STXBP6: variants seen among roughly 807,000 people sequenced by gnomAD.
STXBP6 encodes syntaxin binding protein 6.
In STXBP6, 21 loss-of-function variants were observed where a neutral mutation model predicts 26.9. The ratio of observed to expected loss-of-function variants is 0.78; its 90% CI spans 0.55 to 1.12. The LOEUF (loss-of-function observed/expected upper bound fraction) is 1.12. STXBP6 is among the 50% of genes most tolerant of loss of function. The probability of loss-of-function intolerance (pLI) is 0.00; values close to 1 mark genes in which losing one functional copy is unlikely to be tolerated. For missense variants in STXBP6, 232 were observed against 257.9 expected, an observed-to-expected ratio of 0.90 and a Z score of 0.69; for synonymous variants, 97 against 92.6, an observed-to-expected ratio of 1.05 and a Z score of -0.27.
At chr14:24,828,776 G>T (rs1449087003) in intron 4 of STXBP6, among the ~76,000 whole-genome samples, 2 of 152,154 alleles carry the variant, frequency 1.3e-5, no homozygotes, top group African/African-American at 4.8e-5. Flanking sequence ...TAGACAACGT[G>T]ACAAATTATA....
At chr14:24,894,170 A>C (rs2070891350) in intron 2 of STXBP6, among the ~76,000 whole-genome samples, 1 of 152,228 alleles carries the variant, frequency 6.6e-6, no homozygotes, top group Non-Finnish European at 1.5e-5. Context: ...GGATTGCCTG[A>C]ATGGAAATGG....
At chr14:24,827,029 C>T (rs1439472678) in intron 4 of STXBP6, among the ~76,000 whole-genome samples, 6 of 152,054 alleles carry the variant, frequency 3.9e-5, no homozygotes, top group Non-Finnish European at 5.9e-5. Flanking sequence ...GGAGAAACCC[C>T]ATCTCTATAA....
chr14:24,858,352 GTGAGAACCCTACTT>G (rs1438136776), intron 2 of STXBP6, among the ~76,000 whole-genome samples: 1 of 152,098 alleles, frequency 6.6e-6, no homozygotes, highest in Non-Finnish European at 1.5e-5. Context: ...CTTAGATCTA[GTGAGAACCCTACTT>G]TCCCAGCACT....
At chr14:25,036,913 A>G (rs2140490325) in intron 1 of STXBP6, among the ~76,000 whole-genome samples, 1 of 151,740 alleles carries the variant, frequency 6.6e-6, no homozygotes, top group East Asian at 1.9e-4. Flanking sequence ...GTCAGATTTT[A>G]TGTAAGTATC....
chr14:24,877,561 G>A lies in STXBP6; in HGVS notation c.155-20404C>T, dbSNP rs140094467. 1.9e-3 allele frequency among the ~76,000 whole-genome samples: 289 copies of A among 150,906 alleles called. 1 individual carries two copies. The Middle Eastern group carries it at 0.024, about 12-fold the overall frequency. On this transcript the variant is annotated intron_variant, in intron 2 of 5. Coordinates refer to ENST00000323944, the MANE Select transcript of STXBP6 (RefSeq NM_001394410.1). ...CCTCTTTTCCTTATTATTTTATCTC[G>A]GAACTCCTCAAGATTCGTGGAAAAA...
intron 1 of STXBP6, among the ~76,000 whole-genome samples, chr14:24,977,982 CAA>C (rs1042175755): frequency 5.3e-5 from 8 of 152,156 alleles, no homozygotes; most frequent in Non-Finnish European, 1.2e-4. Flanking sequence ...GTGAAATTAT[CAA>C]AAGTTTTTAT....
At chr14:25,043,594 G>A (rs2075676740) in intron 1 of STXBP6, among the ~76,000 whole-genome samples, 4 of 152,042 alleles carry the variant, frequency 2.6e-5, no homozygotes, top group Admixed American at 2.6e-4. Flanking sequence ...CCCATCAACA[G>A]TCTCTCCCCA....
chr14:24,973,956 T>C lies in STXBP6; in HGVS notation c.154+709A>G, dbSNP rs77398924. Among the ~76,000 whole-genome samples, 79 of 152,272 alleles carry C rather than the reference T, an allele frequency of 5.2e-4. 1 individual carries two copies. In the East Asian group the frequency reaches 0.014, roughly 26 times the overall value. ...TTCCATCACTCCATACAAGAAATAT[T>C]ATCAGAAATATCACAAATGCTCCAT... On this transcript the variant is annotated intron_variant, in intron 2 of 5. Transcript: ENST00000323944.
chr14:24,962,898 A>C (rs2073596919), intron 2 of STXBP6, among the ~76,000 whole-genome samples: 1 of 150,508 alleles, frequency 6.6e-6, no homozygotes. Flanking sequence ...GAAAAAAAAA[A>C]ATCCAGCAAT....
chr14:25,049,887 T>C lies in STXBP6; in HGVS notation c.-42A>G. 1 of 985,116 alleles carries C rather than the reference T, an allele frequency of 1.0e-6. No individual in the cohort carries two copies. The highest frequency in any genetic ancestry group is 1.2e-6 in the Non-Finnish European group (1 of 829,760). The allele number at this position is 985,116 out of a possible 1,614,324, so 61.0% of individuals were successfully genotyped here. On this transcript the variant is annotated 5_prime_UTR_variant, in exon 1 of 6. Transcript: ENST00000323944. This position sits in a 1 kb window ranked among gnomAD's most constrained non-coding sequence, Gnocchi z 5.6. ...CTCGCCCCGGTCCTACCGTGCAGCC[T>C]GGCTCGCGCCCCTGCCGTGCCAGTG...
At chr14:24,951,220 A>C (rs905078243) in intron 2 of STXBP6, among the ~76,000 whole-genome samples, 2 of 152,216 alleles carry the variant, frequency 1.3e-5, no homozygotes, top group African/African-American at 4.8e-5. Context: ...GTGTCTTTAT[A>C]GTAGAATTAT....
At chr14:24,878,722 G>T (rs1377485649) in intron 2 of STXBP6, 17 of 419,426 alleles carry the variant, frequency 4.1e-5, no homozygotes, top group African/African-American at 2.8e-4. Context: ...GACACGCTGG[G>T]ATGTTCAACC....
chr14:24,935,231 C>T (rs950662758), intron 2 of STXBP6, among the ~76,000 whole-genome samples: 7 of 152,104 alleles, frequency 4.6e-5, no homozygotes, highest in Non-Finnish European at 7.4e-5. Context: ...CACAGTTAAT[C>T]CTGCAGGGCC....
chr14:24,984,420 A>G (rs1353931098), intron 1 of STXBP6, among the ~76,000 whole-genome samples: 5 of 152,188 alleles, frequency 3.3e-5, no homozygotes, highest in African/African-American at 1.2e-4. Context: ...GAGGCACAGA[A>G]GCAATGTGAC....
chr14:24,965,714 C>G (rs981550203), intron 2 of STXBP6, among the ~76,000 whole-genome samples: 2 of 152,136 alleles, frequency 1.3e-5, no homozygotes, highest in African/African-American at 4.8e-5. Context: ...GTACAGTCAG[C>G]GTTTTACCAT....
intron 2 of STXBP6, among the ~76,000 whole-genome samples, chr14:24,973,370 G>A (rs2073954197): frequency 7.4e-6 from 1 of 135,898 alleles, no homozygotes; most frequent in African/African-American, 3.0e-5. Flanking sequence ...TTAAATAAAA[G>A]CTTTCTTCCT....
chr14:24,946,598 A>C (rs1322987059), intron 2 of STXBP6, among the ~76,000 whole-genome samples: 2 of 152,346 alleles, frequency 1.3e-5, no homozygotes, highest in African/African-American at 4.8e-5. Flanking sequence ...TAACCTCATC[A>C]GGAGCAGGAA....
In STXBP6 at chr14:25,039,040, G is replaced by T. The variant is rs769055828; in HGVS notation, c.-33+10838C>A. 7.6e-4 allele frequency among the ~76,000 whole-genome samples: 115 copies of T among 152,042 alleles called. 1 individual carries two copies. Among genetic ancestry groups the T allele is most frequent in the Non-Finnish European group, 2.5e-4 (17 of 67,998 alleles). On this transcript the variant is annotated intron_variant, in intron 1 of 5. Transcript: ENST00000323944. ...TGTTCTCACCACAAATAAATGATAA[G>T]TATAGGAGGTAATGCATATGTTAAC...
chr14:25,011,421 C>T (rs2075027550), intron 1 of STXBP6, among the ~76,000 whole-genome samples: 2 of 152,188 alleles, frequency 1.3e-5, no homozygotes, highest in South Asian at 2.1e-4. Flanking sequence ...AAAGCCACTG[C>T]TAACTGTTTT....
Sources: gnomAD v4.1 joint callset for allele counts (sites outside exome capture counted in the v4.1 genomes callset) on GRCh38, gnomAD v4.1.1 for gene constraint, Gnocchi (gnomAD v3.1) non-coding constraint, MANE v1.5 for transcripts, NCBI Gene and HGNC (gene_info 2026-07-23, HGNC 2026-07-21) for gene names.